Variants in ANGPTL2 observed in about 807,000 individuals in gnomAD.
ANGPTL2 encodes the protein angiopoietin like 2.
In ANGPTL2, 25 loss-of-function variants were observed where a neutral mutation model predicts 52.8. The ratio of observed to expected loss-of-function variants is 0.47; its 90% CI spans 0.35 to 0.66. The LOEUF is 0.66. Ranked by LOEUF, ANGPTL2 falls within the 30% of genes least tolerant of loss-of-function variation. The pLI, the probability that ANGPTL2 is intolerant of heterozygous loss-of-function variation, is 0.01. For missense variants in ANGPTL2, 546 were observed against 656.9 expected (o/e 0.83, Z 1.84); for synonymous variants, 276 against 277.4 (o/e 1.00, Z 0.05).
intron 1 of ANGPTL2, among the ~76,000 whole-genome samples, chr9:127,118,041 C>T (rs533262852): frequency 6.6e-6 from 1 of 152,184 alleles, no homozygotes; most frequent in African/African-American, 2.4e-5. Flanking sequence ...AGAGGCCTGG[C>T]TCCCCACACC....
rs544180766 is a variant in ANGPTL2 at position 127,087,567 on chromosome 9, C to G, written c.*1372G>C. 1 of 152,758 alleles carries G rather than the reference C, an allele frequency of 6.5e-6. No homozygotes were observed. Among genetic ancestry groups the G allele is most frequent in the South Asian group, 2.1e-4 (1 of 4,816 alleles). 9.5% of individuals were successfully genotyped at this position (152,758 alleles called of 1,614,324 possible). On this transcript the variant is annotated 3_prime_UTR_variant, in exon 5 of 5. Coordinates refer to ENST00000373425, the MANE Select transcript of ANGPTL2 (RefSeq NM_012098.3). ...TGCCCACCGGGAAGGGTCTCACCTTCTTGACTCATCCCTTGCCCCTTCTTG... is the reference window on the plus strand; with the variant it reads ...TGCCCACCGGGAAGGGTCTCACCTTGTTGACTCATCCCTTGCCCCTTCTTG...
At position 127,122,105 on chromosome 9, in the gene ANGPTL2, C is replaced by T. The variant is rs1056264181; in HGVS notation, c.-50+210G>A. On this transcript the variant is annotated intron_variant, in intron 1 of 4. Coordinates refer to ENST00000373425, the MANE Select transcript of ANGPTL2 (RefSeq NM_012098.3). This position sits in a 1 kb window ranked among gnomAD's most constrained non-coding sequence, Gnocchi z 6.4. ...TCATGAAGTCCTCGAGATGCCAGCC[C>T]ATGATCATGTGCCCCCAAACACCAC... Among the ~76,000 whole-genome samples the T allele has an allele frequency of 1.3e-5, 2 of 152,218 alleles. No homozygotes were observed. Among genetic ancestry groups the T allele is most frequent in the Non-Finnish European group, 2.9e-5 (2 of 68,038 alleles).
At chr9:127,108,943 C>T (rs545775019) in intron 1 of ANGPTL2, among the ~76,000 whole-genome samples, 163 bp from the exon 2 acceptor site, 1 of 152,190 alleles carries the variant, frequency 6.6e-6, no homozygotes. Context: ...GGCAGCCATT[C>T]TGGAAGCAAG....
intron 1 of ANGPTL2, among the ~76,000 whole-genome samples, chr9:127,109,238 T>A (rs912209351): frequency 2.0e-5 from 3 of 152,230 alleles, no homozygotes; most frequent in Admixed American, 2.0e-4. Context: ...TTTCCCCTTG[T>A]AATACCCATC....
chr9:127,093,711 G>A (rs2052761005), intron 3 of ANGPTL2, 22 bp downstream of exon 3: 4 of 1,612,762 alleles, frequency 2.5e-6, no homozygotes, highest in Non-Finnish European at 3.4e-6. Context: ...GGGCAGCACA[G>A]ACATCCCCTG....
intron 2 of ANGPTL2, among the ~76,000 whole-genome samples, chr9:127,096,522 G>A (rs932681185): frequency 7.9e-5 from 12 of 152,344 alleles, no homozygotes; most frequent in African/African-American, 2.9e-4. Flanking sequence ...GGGAGAGGCT[G>A]TGGAGGCTGC....
rs376246393 is a variant in ANGPTL2 at position 127,108,389 on chromosome 9, C to T, written c.343G>A (p.Gly115Ser). 8 of 1,608,958 alleles carry T rather than the reference C, an allele frequency of 5.0e-6. No homozygotes were observed. Among genetic ancestry groups the T allele is most frequent in the South Asian group, 3.3e-5 (3 of 90,872 alleles). Residue 115 changes from glycine (G) to serine (S), a missense_variant, in exon 2 of 5, where the codon GGC (glycine) becomes AGC (serine). Physicochemically the swap from Gly to Ser is moderately conservative, Grantham distance 56 (BLOSUM62 0). Coordinates refer to ENST00000373425, the MANE Select transcript of ANGPTL2 (RefSeq NM_012098.3). ...AGCAGCTTCACCTCGCTCACAATGC[C>T]GCCGTCCACCTCCACCAGCTGCTGC... ...TLQQLVEVDG[G>S]IVSEVKLLRK... is the part of the protein sequence containing the mutation.
At position 127,107,929 on chromosome 9, in the gene ANGPTL2, G is replaced by T. The variant is rs146887662; in HGVS notation, c.803C>A (p.Thr268Asn). ...GAAGCACTTACCCGACGGCTTGTCG[G>T]TGGAAGATGGGAGGCTGGTGAGAGT... ...MPTLTSLPSS[T>N]DKPSGPWRDC... is the part of the protein sequence containing the mutation. The change falls in exon 2 of 5, where the codon ACC becomes AAC. Residue 268 changes from threonine (T) to asparagine (N), a missense_variant. Transcript: ENST00000373425. 2.6e-6 allele frequency: 4 copies of T among 1,533,006 alleles called. No homozygotes were observed. Among genetic ancestry groups the T allele is most frequent in the African/African-American group, 1.4e-5 (1 of 72,726 alleles). The allele number at this position is 1,533,006 out of a possible 1,614,324, so 95.0% of individuals were successfully genotyped here. A position where few individuals can be genotyped will look rare whatever the true frequency, so the allele number is the denominator to read the frequency against.
intron 2 of ANGPTL2, among the ~76,000 whole-genome samples, chr9:127,101,237 C>G (rs1206426863): frequency 6.6e-6 from 1 of 152,246 alleles, no homozygotes; most frequent in Non-Finnish European, 1.5e-5. Context: ...CACACCGTTT[C>G]ATTTCATCCT....
intron 4 of ANGPTL2, among the ~76,000 whole-genome samples, chr9:127,089,431 C>T (rs1564554709): frequency 6.6e-6 from 1 of 152,186 alleles, no homozygotes; most frequent in Admixed American, 6.5e-5. Flanking sequence ...CAGGGCGGCT[C>T]TGAGGATTGA....
chr9:127,095,660 T>C (rs778303448), intron 2 of ANGPTL2, among the ~76,000 whole-genome samples: 7 of 152,220 alleles, frequency 4.6e-5, no homozygotes, highest in Non-Finnish European at 1.0e-4. Context: ...TTTCTCTTTC[T>C]GTGTGAGTTG....
intron 1 of ANGPTL2, among the ~76,000 whole-genome samples, chr9:127,119,625 T>C (rs1051445346): frequency 1.3e-5 from 2 of 152,186 alleles, no homozygotes; most frequent in African/African-American, 4.8e-5. Flanking sequence ...ACATAATGTA[T>C]ATGCCTTATT....
chr9:127,101,904 C>A (rs2053767803), intron 2 of ANGPTL2, among the ~76,000 whole-genome samples: 1 of 152,040 alleles, frequency 6.6e-6, no homozygotes, highest in South Asian at 2.1e-4. Context: ...GGAAAAGTAA[C>A]TTATTTTTTT....
intron 1 of ANGPTL2, among the ~76,000 whole-genome samples, chr9:127,109,246 A>T (rs1166315847): frequency 6.6e-6 from 1 of 152,100 alleles, no homozygotes; most frequent in Non-Finnish European, 1.5e-5. Flanking sequence ...TGTAATACCC[A>T]TCACCGCTGT....
At chr9:127,101,863 A>T (rs2053763034) in intron 2 of ANGPTL2, among the ~76,000 whole-genome samples, 1 of 152,208 alleles carries the variant, frequency 6.6e-6, no homozygotes, top group African/African-American at 2.4e-5. Context: ...TGTGTATAGT[A>T]GTTTTGACTT....
intron 4 of ANGPTL2, among the ~76,000 whole-genome samples, chr9:127,089,495 A>G (rs775257931): frequency 4.6e-5 from 7 of 152,192 alleles, no homozygotes; most frequent in Non-Finnish European, 7.3e-5. Flanking sequence ...GGAGGCCCCA[A>G]GGGAACTCCA....
chr9:127,094,707 C>T (rs766468850), intron 2 of ANGPTL2, among the ~76,000 whole-genome samples: 1 of 152,230 alleles, frequency 6.6e-6, no homozygotes, highest in Admixed American at 6.5e-5. Flanking sequence ...TTGGCACTCA[C>T]GCATTCTGAG....
chr9:127,094,099 A>G (rs1237197521), intron 2 of ANGPTL2, among the ~76,000 whole-genome samples, 173 bp from the exon 3 acceptor site: 3 of 152,178 alleles, frequency 2.0e-5, no homozygotes, highest in Admixed American at 6.5e-5. Flanking sequence ...TATAAAGACA[A>G]GAGCCTCGGA....
rs78030024 is a variant in ANGPTL2, at chr9:127,106,282, A to T, written c.817+1633T>A. Among the ~76,000 whole-genome samples the T allele has an allele frequency of 6.2e-3, 950 of 152,310 alleles. 7 individuals are homozygous for T. The highest frequency in any genetic ancestry group is 0.022 in the African/African-American group (908 of 41,564). ...GCACGTTTTACCCTCTCGGTATTCT[A>T]TCAAGACAAATTAACACACCCTGCC... On this transcript the variant is annotated intron_variant, in intron 2 of 4. Coordinates refer to ENST00000373425, the MANE Select transcript of ANGPTL2 (RefSeq NM_012098.3).
Sources: gnomAD v4.1 joint callset for allele counts (sites outside exome capture counted in the v4.1 genomes callset) on GRCh38, gnomAD v4.1.1 for gene constraint, Gnocchi (gnomAD v3.1) non-coding constraint, MANE v1.5 for transcripts, NCBI Gene and HGNC (gene_info 2026-07-23, HGNC 2026-07-21) for gene names.